Variants in CDH12 observed in about 807,000 individuals in gnomAD.
CDH12 encodes the protein cadherin 12.
In CDH12, 41 loss-of-function variants were observed where a neutral mutation model predicts 74.1. That is an observed-to-expected ratio of 0.55 (90% confidence interval 0.43 to 0.72). CDH12 has a LOEUF of 0.72. Among genes scored for constraint, CDH12 ranks in the 30% least tolerant of loss-of-function variants. The pLI, the probability that CDH12 is intolerant of heterozygous loss-of-function variation, is 0.00. For synonymous variants in CDH12, 399 were observed against 355.0 expected (o/e 1.12, Z -1.39); for missense variants, 945 against 977.2 (o/e 0.97, Z 0.44).
chr5:22,822,171 C>G (rs1305918809), intron 1 of CDH12, among the ~76,000 whole-genome samples: 6 of 151,732 alleles, frequency 4.0e-5, no homozygotes, highest in Admixed American at 6.6e-5. Flanking sequence ...GGAAAACTGG[C>G]TAGCCATATG....
chr5:21,842,110 T>C (rs758270064), intron 8 of CDH12, 51 bp downstream of exon 8: 1 of 1,428,184 alleles, frequency 7.0e-7, no homozygotes, highest in Non-Finnish European at 9.6e-7. Context: ...ATGACACCAT[T>C]AAATTTTTTT....
chr5:21,752,604 C>A (rs1023913484), intron 14 of CDH12, among the ~76,000 whole-genome samples: 2 of 152,068 alleles, frequency 1.3e-5, no homozygotes, highest in Non-Finnish European at 2.9e-5. Flanking sequence ...ATAAGACTAC[C>A]ATTCATTGCT....
At chr5:21,762,874 C>CTTTTTTT (rs10561731) in intron 12 of CDH12, among the ~76,000 whole-genome samples, 2 of 128,502 alleles carry the variant, frequency 1.6e-5, no homozygotes, top group African/African-American at 2.8e-5. Context: ...AAAGAACTGG[C>CTTTTTTT]TTTTTTTTTT....
intron 6 of CDH12, among the ~76,000 whole-genome samples, chr5:21,879,631 A>G (rs1289931715): frequency 1.3e-5 from 2 of 152,226 alleles, no homozygotes; most frequent in African/African-American, 2.4e-5. Context: ...TTTGGTCAAT[A>G]TATCATTATG....
At chr5:22,259,344 C>T (rs2150392686) in intron 3 of CDH12, among the ~76,000 whole-genome samples, 2 of 151,994 alleles carry the variant, frequency 1.3e-5, no homozygotes, top group East Asian at 3.9e-4. Flanking sequence ...TTTAAAAAAA[C>T]ATATATTATT....
intron 5 of CDH12, among the ~76,000 whole-genome samples, chr5:22,038,916 T>G (rs1739374214): frequency 6.6e-6 from 1 of 152,156 alleles, no homozygotes; most frequent in Non-Finnish European, 1.5e-5. Flanking sequence ...GTACTCTGGT[T>G]CATTGGAGCT....
At chr5:22,237,107 G>C (rs912468299) in intron 3 of CDH12, among the ~76,000 whole-genome samples, 16 of 151,938 alleles carry the variant, frequency 1.1e-4, no homozygotes, top group African/African-American at 3.9e-4. Flanking sequence ...ACTTTTATAG[G>C]ACTGGCATCA....
chr5:22,679,108 T>C (rs1037617801), intron 1 of CDH12, among the ~76,000 whole-genome samples: 7 of 152,094 alleles, frequency 4.6e-5, no homozygotes, highest in African/African-American at 1.7e-4. Flanking sequence ...CCTTAAAACA[T>C]ACGCCTCTAG....
intron 4 of CDH12, among the ~76,000 whole-genome samples, chr5:22,109,796 T>C (rs993907769): frequency 6.6e-6 from 1 of 151,970 alleles, no homozygotes; most frequent in African/African-American, 2.4e-5. Flanking sequence ...CCTCATAGAG[T>C]CCCAGCTTAG....
rs562889443 is a variant in CDH12 at position 22,759,971 on chromosome 5, G to T, written c.-523+93087C>A. Among the ~76,000 whole-genome samples, 100 of 152,222 alleles carry T rather than the reference G, an allele frequency of 6.6e-4. 2 individuals carry two copies. Among genetic ancestry groups the T allele is most frequent in the Non-Finnish European group, 1.1e-3 (74 of 68,006 alleles). On this transcript the variant is annotated intron_variant, in intron 1 of 14. Transcript: ENST00000382254. ...TAAGGTCTTCAACTGATTGGATGAG[G>T]TCCACCCACCTTGTGGATGGTAATC...
chr5:21,878,789 G>A (rs182429652), intron 6 of CDH12, among the ~76,000 whole-genome samples: 1,496 of 57,058 alleles, frequency 0.026, 14 homozygotes, highest in Non-Finnish European at 0.057. Context: ...AAGAAAAAAA[G>A]AAAGAAAGAA....
At chr5:22,467,371 G>A (rs1020478016) in intron 2 of CDH12, among the ~76,000 whole-genome samples, 7 of 152,110 alleles carry the variant, frequency 4.6e-5, no homozygotes, top group Admixed American at 2.0e-4. Context: ...ATCATCTCCC[G>A]TGGCTTGTTC....
intron 2 of CDH12, among the ~76,000 whole-genome samples, chr5:22,482,357 T>G (rs1746416407): frequency 6.6e-6 from 1 of 152,146 alleles, no homozygotes. Context: ...GCTGATCATT[T>G]GCTCTCTTGA....
At chr5:22,049,519 T>A (rs1740202050) in intron 5 of CDH12, among the ~76,000 whole-genome samples, 1 of 152,146 alleles carries the variant, frequency 6.6e-6, no homozygotes, top group South Asian at 2.1e-4. Context: ...GATTTTAAAA[T>A]ATGTTTCTAG....
chr5:21,948,325 C>T (rs1262241666), intron 6 of CDH12, among the ~76,000 whole-genome samples: 1 of 152,132 alleles, frequency 6.6e-6, no homozygotes, highest in Non-Finnish European at 1.5e-5. Context: ...TGCCCAAGGC[C>T]ATGGGAGCCC....
At chr5:22,534,976 AT>A (rs546689277) in intron 1 of CDH12, among the ~76,000 whole-genome samples, 1,643 of 137,020 alleles carry the variant, frequency 0.012, 10 homozygotes, top group Middle Eastern at 0.015. Context: ...TTTCTATTGC[AT>A]TTTTTTTTTT....
At chr5:22,512,671 A>C (rs1580721758) in intron 1 of CDH12, among the ~76,000 whole-genome samples, 1 of 152,336 alleles carries the variant, frequency 6.6e-6, no homozygotes, top group African/African-American at 2.4e-5. Context: ...ACGATAATGA[A>C]AAGGATTTTA....
intron 8 of CDH12, among the ~76,000 whole-genome samples, chr5:21,835,527 A>C (rs1306910743): frequency 6.6e-6 from 1 of 151,794 alleles, no homozygotes; most frequent in East Asian, 1.9e-4. Flanking sequence ...AACTGTCAAA[A>C]TTCAATTAGC....
At chr5:22,398,437 G>A (rs1303643847) in intron 3 of CDH12, among the ~76,000 whole-genome samples, 2 of 152,084 alleles carry the variant, frequency 1.3e-5, no homozygotes, top group African/African-American at 4.8e-5. Flanking sequence ...AGAGAGTTGG[G>A]TGTGAATGAC....
Sources: allele counts gnomAD v4.1 joint callset (sites outside exome capture counted in the v4.1 genomes callset), GRCh38; gene constraint gnomAD v4.1.1; transcripts MANE v1.5; gene names NCBI Gene and HGNC (gene_info 2026-07-23, HGNC 2026-07-21).